Variants in RNF213 observed in about 807,000 individuals in gnomAD.
The protein encoded by RNF213 is ring finger protein 213, also known as E3 ubiquitin-protein ligase RNF213.
In RNF213, 341 loss-of-function variants were observed where a neutral mutation model predicts 514.4. The ratio of observed to expected loss-of-function variants is 0.66; its 90% CI spans 0.61 to 0.73. The LOEUF is 0.73. Ranked by LOEUF, RNF213 falls within the 30% of genes least tolerant of loss-of-function variation. RNF213 has a pLI of 0.00. For synonymous variants in RNF213, 2,655 were observed against 2,658.2 expected (o/e 1.00, Z 0.04); for missense variants, 5,767 against 6,615.6 (o/e 0.87, Z 4.45).
chr17:80,319,057 C>G lies in RNF213; in HGVS notation c.2902-133C>G. 1.9e-6 allele frequency: 3 copies of G among 1,590,902 alleles called. No homozygotes were observed. In the South Asian group the frequency reaches 3.3e-5, roughly 18 times the overall value. ...GCAGGGAGGACATGCTTTGCGTGGG[C>G]CAGGAGAAGCTTAAAATTGGGGGAA... On this transcript the variant is annotated intron_variant, in intron 16 of 67. Transcript: ENST00000582970.
At chr17:80,372,065 TAGTC>T (rs2079538378) in intron 47 of RNF213, 80 bp downstream of exon 47, 1 of 847,616 alleles carries the variant, frequency 1.2e-6, no homozygotes, top group African/African-American at 1.7e-5. Context: ...AATATAATTT[TAGTC>T]AGTATAATTA....
In RNF213 at chr17:80,344,486, G is replaced by A. The variant is rs552929533; in HGVS notation, c.6343-192G>A. 2.4e-4 allele frequency among the ~76,000 whole-genome samples: 36 copies of A among 152,306 alleles called. No homozygotes were observed. In the South Asian group the frequency reaches 7.5e-3, roughly 32 times the overall value. ...AAGTGATTTCCTGGCTCAGAACGCAGCTCCCACAGCAATGCCTTACTTAAT... is the reference window on the plus strand; with the variant it reads ...AAGTGATTTCCTGGCTCAGAACGCAACTCCCACAGCAATGCCTTACTTAAT... On this transcript the variant is annotated intron_variant, in intron 28 of 67. Coordinates refer to ENST00000582970, the MANE Select transcript of RNF213 (RefSeq NM_001256071.3).
chr17:80,392,063 C>T (rs762056089), intron 67 of RNF213, among the ~76,000 whole-genome samples: 14 of 151,944 alleles, frequency 9.2e-5, no homozygotes, highest in South Asian at 8.3e-4. Flanking sequence ...CCACTGCGCC[C>T]GGCCTGTCCT....
At chr17:80,281,478 C>A (rs1404460863) in intron 3 of RNF213, among the ~76,000 whole-genome samples, 20 of 66,282 alleles carry the variant, frequency 3.0e-4, no homozygotes, top group Non-Finnish European at 4.1e-4. Context: ...ACTCACACAC[C>A]CCCCAACATA....
At chr17:80,289,948 T>G in intron 6 of RNF213, 111 bp downstream of exon 6, 21 of 1,242,640 alleles carry the variant, frequency 1.7e-5, no homozygotes, top group Non-Finnish European at 2.4e-5. Context: ...GTCAGCTGTT[T>G]TGGCAAGTTT....
chr17:80,295,467 C>T (rs758594070), intron 9 of RNF213, 90 bp from the exon 10 acceptor site: 157 of 1,540,674 alleles, frequency 1.0e-4, no homozygotes, highest in Non-Finnish European at 1.3e-4. Flanking sequence ...ATGGGGTCTG[C>T]TGCCCTAGCT....
rs377303933 is a variant in RNF213 at position 80,348,141 on chromosome 17, G to C, written c.9806G>C (p.Arg3269Pro). The change falls in exon 29 of 68, where the codon CGG becomes CCG. Residue 3269 changes from arginine (R) to proline (P), a missense_variant. This residue lies in a region of RNF213 where 919 missense variants were observed against 1,121.0 expected (regional missense o/e 0.82). Coordinates refer to ENST00000582970, the MANE Select transcript of RNF213 (RefSeq NM_001256071.3). Reference sequence around the variant, plus strand: ...TGCGCTACGCCCGATGCCGTGGTCCGGCTGAGCGCCTACTCGCTGGGCGGG... The same window carrying C: ...TGCGCTACGCCCGATGCCGTGGTCCCGCTGAGCGCCTACTCGCTGGGCGGG... ...LNCATPDAVV[R>P]LSAYSLGGFA... The C allele has an allele frequency of 6.2e-7, 1 of 1,614,074 alleles. No individual in the cohort carries two copies. The highest frequency in any genetic ancestry group is 1.1e-5 in the South Asian group (1 of 91,084).
intron 49 of RNF213, among the ~76,000 whole-genome samples, chr17:80,374,206 G>C (rs964774152): frequency 6.6e-6 from 1 of 152,194 alleles, no homozygotes; most frequent in African/African-American, 2.4e-5. Flanking sequence ...CGCAAACGGA[G>C]GAAGCAAGCA....
At chr17:80,363,040 C>A in intron 39 of RNF213, 62 bp from the exon 40 acceptor site, 2 of 1,434,110 alleles carry the variant, frequency 1.4e-6, no homozygotes, top group Non-Finnish European at 1.9e-6. Context: ...GGATTTCCCA[C>A]GGGGAAAACA....
intron 8 of RNF213, among the ~76,000 whole-genome samples, chr17:80,293,042 C>T (rs574564801): frequency 6.6e-6 from 1 of 152,182 alleles, no homozygotes; most frequent in Middle Eastern, 3.4e-3. Flanking sequence ...TATATTTTTT[C>T]GTTTTTGTAA....
chr17:80,313,769 A>G (rs370842925), intron 15 of RNF213, among the ~76,000 whole-genome samples: 5 of 100,216 alleles, frequency 5.0e-5, no homozygotes, highest in African/African-American at 7.8e-5. Context: ...TGGTGGAGGT[A>G]CTGGAGGTGA....
chr17:80,376,583 A>AC (rs747341031), intron 52 of RNF213, 40 bp downstream of exon 52: 108 of 1,612,430 alleles, frequency 6.7e-5, no homozygotes, highest in Non-Finnish European at 8.6e-5. Flanking sequence ...TCACTGGAAC[A>AC]CCCCCCAGAG....
Position 80,332,117 on chromosome 17 carries a change from A to G in RNF213, c.3629A>G (p.His1210Arg). The change falls in exon 21 of 68, where the codon CAT becomes CGT. Residue 1210 changes from histidine (H) to arginine (R), a missense_variant. His to Arg is a conservative substitution (Grantham distance 29). This residue lies in a region of RNF213 where 516 missense variants were observed against 566.5 expected (regional missense o/e 0.91). Coordinates refer to ENST00000582970, the MANE Select transcript of RNF213 (RefSeq NM_001256071.3). ...TCCTCGAACTCGCAGAGGGCAACGC[A>G]TTACCACCTGAGCTCCCAGGTCCAA... is the stretch of plus-strand genomic sequence containing the variant. ...STSSNSQRAT[H>R]YHLSSQVQEM... The G allele has an allele frequency of 6.5e-7, 1 of 1,537,198 alleles. No homozygotes were observed. The highest frequency in any genetic ancestry group is 8.7e-7 in the Non-Finnish European group (1 of 1,146,910).
intron 3 of RNF213, 37 bp downstream of exon 3, chr17:80,273,441 C>A: frequency 6.2e-7 from 1 of 1,608,914 alleles, no homozygotes. Flanking sequence ...CGCCCCCGCT[C>A]ACTCTGCCCA....
chr17:80,298,525 C>G lies in RNF213; in HGVS notation c.2210+7C>G. The G allele has an allele frequency of 6.2e-7, 1 of 1,614,042 alleles. No homozygotes were observed. The highest frequency in any genetic ancestry group is 2.2e-5 in the East Asian group (1 of 44,888). ...GGGAACAAATGCTAGATACGTAAGT[C>G]GTAGAGTTGTGCTTATCTACATGAA... is the stretch of plus-strand genomic sequence containing the variant. On this transcript the variant is annotated splice_region_variant and intron_variant, in intron 11 of 67. Transcript: ENST00000582970.
Position 80,345,857 on chromosome 17 carries a change from G to T in RNF213, c.7522G>T (p.Asp2508Tyr). ...AGAAGTCCTGTGTGATCATATGGTG[G>T]ATGGCCAGCCTCTGGCTGAGGACTC... ...IKEVLCDHMVDGQPLAEDSGL... is the reference protein window; with the variant it reads ...IKEVLCDHMVYGQPLAEDSGL... The change falls in exon 29 of 68, where the codon GAT (aspartate) becomes TAT (tyrosine). Residue 2508 changes from aspartate (D) to tyrosine (Y), a missense_variant. Transcript: ENST00000582970. This position sits in a 1 kb window ranked among gnomAD's most constrained non-coding sequence, Gnocchi z 6.0. 6.2e-7 allele frequency: 1 copy of T among 1,614,158 alleles called. No homozygotes were observed. Among genetic ancestry groups the T allele is most frequent in the Admixed American group, 1.7e-5 (1 of 60,030 alleles).
rs9897796 is a variant in RNF213 at position 80,317,083 on chromosome 17, C to G, written c.2812-105C>G. 85,659 of 1,249,788 alleles carry G rather than the reference C, an allele frequency of 0.069. 4,323 individuals are homozygous for G. The highest frequency in any genetic ancestry group is 0.21 in the East Asian group (8,591 of 41,286). 77.4% of individuals were successfully genotyped at this position (1,249,788 alleles called of 1,614,324 possible). A position where few individuals can be genotyped will look rare whatever the true frequency, so the allele number is the denominator to read the frequency against. ...GGAGAGCCCTGGTGTTCGCGGAGTCCCGCGCTCTCTGTATTGCCGTAATGC... is the reference window on the plus strand; with the variant it reads ...GGAGAGCCCTGGTGTTCGCGGAGTCGCGCGCTCTCTGTATTGCCGTAATGC... On this transcript the variant is annotated intron_variant, in intron 15 of 67. Coordinates refer to ENST00000582970, the MANE Select transcript of RNF213 (RefSeq NM_001256071.3). The surrounding 1 kb of genome is among the most constrained non-coding windows in gnomAD (Gnocchi z 4.1).
intron 42 of RNF213, among the ~76,000 whole-genome samples, chr17:80,366,658 TG>T (rs2079285339): frequency 3.8e-5 from 3 of 79,346 alleles, no homozygotes; most frequent in African/African-American, 1.5e-4. Flanking sequence ...AATTCAAGGA[TG>T]GCTCAAAATA....
intron 6 of RNF213, 76 bp from the exon 7 acceptor site, chr17:80,290,494 T>TGTGCGCGTGTGTGC: frequency 1.4e-5 from 22 of 1,546,590 alleles, no homozygotes; most frequent in Non-Finnish European, 2.0e-5. Context: ...CACGTGTGTG[T>TGTGCGCGTGTGTGC]GTGCGCGTGT....
Sources: gnomAD v4.1 joint callset for allele counts (sites outside exome capture counted in the v4.1 genomes callset) on GRCh38, gnomAD v4.1.1 for gene constraint, gnomAD v4.1.1 regional missense constraint, Gnocchi (gnomAD v3.1) non-coding constraint, MANE v1.5 for transcripts, NCBI Gene and HGNC (gene_info 2026-07-23, HGNC 2026-07-21) for gene names.